The following NLK variants were observed in gnomAD, a reference collection of about 807,000 sequenced individuals.
The protein encoded by NLK is serine/threonine-protein kinase NLK.
NLK carries 11 observed loss-of-function variants against 59.0 expected under a neutral mutation model. The ratio of observed to expected loss-of-function variants is 0.19; its 90% CI spans 0.12 to 0.31. The LOEUF is 0.31. Ranked by LOEUF, NLK falls within the 10% of genes least tolerant of loss-of-function variation. The pLI is 1.00. For missense variants in NLK, 410 were observed against 661.1 expected, an observed-to-expected ratio of 0.62 and a Z score of 4.16; for synonymous variants, 235 against 235.9, an observed-to-expected ratio of 1.00 and a Z score of 0.03.
chr17:28,111,943 G>GTA lies in NLK; in HGVS notation c.459-10659_459-10658insAT, dbSNP rs1555560872. Among the ~76,000 whole-genome samples, 148 of 141,382 alleles carry GTA rather than the reference G, an allele frequency of 1.0e-3. 1 individual carries two copies. Among genetic ancestry groups the GTA allele is most frequent in the Non-Finnish European group, 1.8e-3 (119 of 64,408 alleles). 92.8% of individuals were successfully genotyped at this position (141,382 alleles called of 152,430 possible). A position where few individuals can be genotyped will look rare whatever the true frequency, so the allele number is the denominator to read the frequency against. On this transcript the variant is annotated intron_variant, in intron 1 of 10. Coordinates refer to ENST00000407008, the MANE Select transcript of NLK (RefSeq NM_016231.5). ...TGTGTGTGTGTGTGTGTGTGTGTGT[G>GTA]TGTATGTGTAGGGAGAGCATGTAGT...
At chr17:28,158,747 A>T (rs1456072474) in intron 3 of NLK, among the ~76,000 whole-genome samples, 3 of 152,078 alleles carry the variant, frequency 2.0e-5, no homozygotes, top group African/African-American at 7.2e-5. Context: ...CTTCCACCTC[A>T]GTGTCCTCAA....
chr17:28,139,783 A>G lies in NLK; in HGVS notation c.644+7108A>G, dbSNP rs916318038. On this transcript the variant is annotated intron_variant, in intron 3 of 10. Transcript: ENST00000407008. ...GAGCTGTGATTTGAACCCATATTGT[A>G]TAGTCCAATGGGCCAGGAGTGCTCT... 6.6e-5 allele frequency among the ~76,000 whole-genome samples: 10 copies of G among 152,316 alleles called. No individual in the cohort carries two copies. In the South Asian group the frequency reaches 1.0e-3, roughly 16 times the overall value.
intron 3 of NLK, among the ~76,000 whole-genome samples, chr17:28,152,930 A>G (rs1270145583): frequency 6.6e-6 from 1 of 151,830 alleles, no homozygotes; most frequent in Non-Finnish European, 1.5e-5. Context: ...GGCCATTGGT[A>G]CGTCAGGATT....
chr17:28,104,804 C>T lies in NLK; in HGVS notation c.459-17799C>T, dbSNP rs1404101026. ...GTTCTTACATGGAATGCTGTAGATT[C>T]AGGGAAAATTCCCTTTTCACCCCTG... On this transcript the variant is annotated intron_variant, in intron 1 of 10. Coordinates refer to ENST00000407008, the MANE Select transcript of NLK (RefSeq NM_016231.5). Among the ~76,000 whole-genome samples, 8 of 152,270 alleles carry T rather than the reference C, an allele frequency of 5.3e-5. No individual in the cohort carries two copies. In the East Asian group the frequency reaches 1.2e-3, roughly 22 times the overall value.
At chr17:28,090,343 G>A (rs1904441961) in intron 1 of NLK, among the ~76,000 whole-genome samples, 2 of 152,088 alleles carry the variant, frequency 1.3e-5, no homozygotes, top group South Asian at 4.1e-4. Context: ...CTTTTAAGGA[G>A]ATTTAAATAA....
rs150428995 is a variant in NLK at position 28,056,924 on chromosome 17, T to G, written c.458+13593T>G. Among the ~76,000 whole-genome samples the G allele has an allele frequency of 7.2e-4, 109 of 152,008 alleles. 2 individuals carry two copies. In the East Asian group the frequency reaches 0.019, roughly 26 times the overall value. On this transcript the variant is annotated intron_variant, in intron 1 of 10. Transcript: ENST00000407008. ...TCCTAGATTTCTTCTCAATTAACAT[T>G]TTGTGACTTCTGCATTACCTACCTT... is the stretch of plus-strand genomic sequence containing the variant.
At chr17:28,184,224 T>A (rs1295802976) in intron 7 of NLK, among the ~76,000 whole-genome samples, 1 of 152,264 alleles carries the variant, frequency 6.6e-6, no homozygotes, top group Non-Finnish European at 1.5e-5. Context: ...TTCTTGCATG[T>A]CCTTTGGCTC....
chr17:28,129,511 G>A (rs1487428020), intron 2 of NLK, among the ~76,000 whole-genome samples: 1 of 152,024 alleles, frequency 6.6e-6, no homozygotes, highest in Non-Finnish European at 1.5e-5. Flanking sequence ...TATTTACATA[G>A]AAATATGTGT....
intron 1 of NLK, among the ~76,000 whole-genome samples, chr17:28,076,999 T>A: frequency 6.6e-6 from 1 of 152,174 alleles, no homozygotes; most frequent in African/African-American, 2.4e-5. Flanking sequence ...TTTTTTTAAA[T>A]TGATGTTTTC....
chr17:28,183,686 C>G (rs1284655576), intron 7 of NLK, among the ~76,000 whole-genome samples: 1 of 152,112 alleles, frequency 6.6e-6, no homozygotes, highest in East Asian at 1.9e-4. Context: ...ACCTACCAAA[C>G]TTTCTGACCA....
At chr17:28,199,689 ACAAAAC>A (rs1909578353), downstream of NLK, among the ~76,000 whole-genome samples, 4 of 14,486 alleles carry the variant, frequency 2.8e-4, no homozygotes, top group Admixed American at 1.1e-3. Context: ...AAAAAACAAA[ACAAAAC>A]AAAAAAAAAA....
intron 1 of NLK, among the ~76,000 whole-genome samples, chr17:28,103,675 GTCT>G (rs1182738316): frequency 6.6e-6 from 1 of 152,162 alleles, no homozygotes; most frequent in African/African-American, 2.4e-5. Context: ...AAAATCTAGT[GTCT>G]TCTTAAACTT....
chr17:28,191,004 C>A lies in NLK; in HGVS notation c.1237-17C>A. Reference sequence around the variant, plus strand: ...TTATCTGTAGTGTTGATGTGCTGGTCTCTAATTTGATTTCAGTCCAAAAGA... The same window carrying A: ...TTATCTGTAGTGTTGATGTGCTGGTATCTAATTTGATTTCAGTCCAAAAGA... On this transcript the variant is annotated splice_polypyrimidine_tract_variant and intron_variant, in intron 8 of 10. Transcript: ENST00000407008. 1 of 1,565,262 alleles carries A rather than the reference C, an allele frequency of 6.4e-7. No individual in the cohort carries two copies. Among genetic ancestry groups the A allele is most frequent in the Non-Finnish European group, 8.7e-7 (1 of 1,155,542 alleles).
Position 28,042,997 on chromosome 17 carries a change from C to T in NLK, c.124C>T (p.His42Tyr). Residue 42 changes from histidine to tyrosine, a missense_variant, in exon 1 of 11, where the codon CAC becomes TAC. His to Tyr is a moderately conservative substitution (Grantham distance 83). Coordinates refer to ENST00000407008, the MANE Select transcript of NLK (RefSeq NM_016231.5). ...CCACCTTCCACACCTCCCTCCTCCTCACCTGCACCACCACCACCACCCTCA... is the reference window on the plus strand; with the variant it reads ...CCACCTTCCACACCTCCCTCCTCCTTACCTGCACCACCACCACCACCCTCA... ...HHHLPHLPPP[H>Y]LHHHHHPQHH... is the part of the protein sequence containing the mutation. 2 of 1,556,798 alleles carry T rather than the reference C, an allele frequency of 1.3e-6. No homozygotes were observed. The highest frequency in any genetic ancestry group is 1.7e-6 in the Non-Finnish European group (2 of 1,149,608).
intron 1 of NLK, among the ~76,000 whole-genome samples, chr17:28,096,907 A>G (rs1904720659): frequency 6.6e-6 from 1 of 152,204 alleles, no homozygotes; most frequent in Non-Finnish European, 1.5e-5. Context: ...GTTGCCTTGT[A>G]GCATGCATAA....
intron 2 of NLK, among the ~76,000 whole-genome samples, chr17:28,130,089 A>T (rs1003106502): frequency 6.6e-6 from 1 of 152,168 alleles, no homozygotes; most frequent in African/African-American, 2.4e-5. Flanking sequence ...TCCTTTGAAG[A>T]GTGTGGTATT....
At chr17:28,106,633 A>AAT in intron 1 of NLK, among the ~76,000 whole-genome samples, 1 of 152,350 alleles carries the variant, frequency 6.6e-6, no homozygotes, top group Non-Finnish European at 1.5e-5. Context: ...CACAGATTTG[A>AAT]ATACACACCA....
At chr17:28,112,883 T>G (rs1373385967) in intron 1 of NLK, among the ~76,000 whole-genome samples, 1 of 152,192 alleles carries the variant, frequency 6.6e-6, no homozygotes, top group Non-Finnish European at 1.5e-5. Flanking sequence ...ATGTTTGTTT[T>G]TTTTTAAGCA....
chr17:28,112,675 G>T (rs928142407), intron 1 of NLK, among the ~76,000 whole-genome samples: 3 of 151,990 alleles, frequency 2.0e-5, no homozygotes. Flanking sequence ...ATATTTTTGG[G>T]TTTGTTTATT....
Sources: allele counts gnomAD v4.1 joint callset (sites outside exome capture counted in the v4.1 genomes callset), GRCh38; gene constraint gnomAD v4.1.1; transcripts MANE v1.5; gene names NCBI Gene and HGNC (gene_info 2026-07-23, HGNC 2026-07-21).